The following NLGN1 variants were observed in gnomAD, a reference collection of about 807,000 sequenced individuals.
NLGN1 encodes the protein neuroligin-1.
NLGN1 carries 12 observed loss-of-function variants against 65.5 expected under a neutral mutation model. The observed-to-expected ratio is 0.18, with a 90% CI of 0.12 to 0.30. The LOEUF is 0.30. Ranked by LOEUF, NLGN1 falls within the 10% of genes least tolerant of loss-of-function variation. NLGN1 has a pLI of 1.00. For missense variants in NLGN1, 750 were observed against 1,007.1 expected, an observed-to-expected ratio of 0.74 and a Z score of 3.46; for synonymous variants, 350 against 359.5, an observed-to-expected ratio of 0.97 and a Z score of 0.30.
At chr3:173,434,573 A>C (rs1050553288) in intron 1 of NLGN1, among the ~76,000 whole-genome samples, 2 of 152,214 alleles carry the variant, frequency 1.3e-5, no homozygotes, top group African/African-American at 4.8e-5. Flanking sequence ...GTAGTTGGAG[A>C]CAATTGCACT....
intron 4 of NLGN1, among the ~76,000 whole-genome samples, chr3:174,244,367 G>A (rs991438570): frequency 1.3e-5 from 2 of 152,112 alleles, no homozygotes; most frequent in Non-Finnish European, 2.9e-5. Flanking sequence ...CTACTAAGAT[G>A]AAATTTTAAT....
intron 3 of NLGN1, among the ~76,000 whole-genome samples, chr3:173,734,147 T>C (rs1173471406): frequency 6.6e-6 from 1 of 152,046 alleles, no homozygotes; most frequent in African/African-American, 2.4e-5. Context: ...AATTACATTT[T>C]TTCATTTTAG....
At chr3:174,210,284 G>T (rs1736215344) in intron 4 of NLGN1, among the ~76,000 whole-genome samples, 1 of 152,176 alleles carries the variant, frequency 6.6e-6, no homozygotes, top group South Asian at 2.1e-4. Flanking sequence ...TGTTCTCAGT[G>T]TATTTGTGTC....
chr3:173,781,230 A>T (rs1354156795), intron 3 of NLGN1, among the ~76,000 whole-genome samples: 1 of 152,018 alleles, frequency 6.6e-6, no homozygotes, highest in Non-Finnish European at 1.5e-5. Flanking sequence ...CTGTACTCAT[A>T]CCCTAGAGAA....
chr3:174,090,410 T>C (rs1744288665), intron 4 of NLGN1, among the ~76,000 whole-genome samples: 1 of 152,030 alleles, frequency 6.6e-6, no homozygotes, highest in East Asian at 1.9e-4. Context: ...GAGGTGGAGT[T>C]TGCAGTGAGC....
intron 2 of NLGN1, among the ~76,000 whole-genome samples, chr3:173,523,907 T>C (rs1263561275): frequency 6.9e-6 from 1 of 145,252 alleles, no homozygotes; most frequent in African/African-American, 2.5e-5. Flanking sequence ...TTTTCTCATA[T>C]AATTTCTTTC....
chr3:173,420,580 C>T lies in NLGN1; in HGVS notation c.-389-14430C>T, dbSNP rs543329844. Among the ~76,000 whole-genome samples the T allele has an allele frequency of 7.9e-5, 12 of 152,252 alleles. No individual in the cohort carries two copies. The East Asian group carries it at 1.9e-3, about 25-fold the overall frequency. On this transcript the variant is annotated intron_variant, in intron 1 of 6. Coordinates refer to ENST00000457714, the Ensembl canonical transcript of NLGN1. ...TATAGCAGCATGATTTTATAATCCT[C>T]TGGGTATATACCCAGTAATGGGATG... is the stretch of plus-strand genomic sequence containing the variant.
chr3:173,500,384 G>T (rs1248160129), intron 2 of NLGN1, among the ~76,000 whole-genome samples: 6 of 152,144 alleles, frequency 3.9e-5, no homozygotes, highest in Non-Finnish European at 7.4e-5. Context: ...AACCAGCCTT[G>T]CCTCCAAGGG....
intron 2 of NLGN1, among the ~76,000 whole-genome samples, chr3:173,476,694 G>A (rs897660042): frequency 3.3e-5 from 5 of 152,146 alleles, no homozygotes; most frequent in Non-Finnish European, 5.9e-5. Flanking sequence ...GGCAAGGTAC[G>A]GTTGCATTTT....
At chr3:173,486,530 T>TG in intron 2 of NLGN1, among the ~76,000 whole-genome samples, 1 of 152,288 alleles carries the variant, frequency 6.6e-6, no homozygotes, top group East Asian at 1.9e-4. Context: ...GCTTGCTGGT[T>TG]GTCCTTCTAT....
intron 2 of NLGN1, among the ~76,000 whole-genome samples, chr3:173,546,043 T>C (rs1202780331): frequency 6.6e-6 from 1 of 152,158 alleles, no homozygotes; most frequent in Non-Finnish European, 1.5e-5. Context: ...TGTATACCTA[T>C]GTAACAAACC....
intron 3 of NLGN1, among the ~76,000 whole-genome samples, chr3:173,638,732 T>C (rs1319450545): frequency 6.6e-6 from 1 of 152,194 alleles, no homozygotes; most frequent in Admixed American, 6.5e-5. Context: ...TATTGAAATA[T>C]CAATTTTAAA....
intron 3 of NLGN1, among the ~76,000 whole-genome samples, chr3:173,673,023 A>T (rs1169299801): frequency 6.6e-6 from 1 of 152,202 alleles, no homozygotes; most frequent in Non-Finnish European, 1.5e-5. Context: ...TGATGGCATG[A>T]CAAGGAGACT....
intron 4 of NLGN1, among the ~76,000 whole-genome samples, chr3:173,936,923 A>C (rs1385950307): frequency 6.6e-6 from 1 of 152,106 alleles, no homozygotes; most frequent in Non-Finnish European, 1.5e-5. Context: ...AAATACAAGA[A>C]AATAAAACAG....
chr3:173,450,229 C>T (rs913532397), intron 2 of NLGN1, among the ~76,000 whole-genome samples: 2 of 152,096 alleles, frequency 1.3e-5, no homozygotes, highest in African/African-American at 4.8e-5. Context: ...TTTAGTGCTT[C>T]CTTCAGGAGC....
intron 4 of NLGN1, among the ~76,000 whole-genome samples, chr3:173,816,295 C>T (rs1719032041): frequency 1.3e-5 from 2 of 152,060 alleles, no homozygotes; most frequent in Admixed American, 1.3e-4. Flanking sequence ...TACATTCTCA[C>T]AACTCTATGA....
intron 4 of NLGN1, among the ~76,000 whole-genome samples, chr3:174,168,380 TTTC>T (rs932589196): frequency 9.2e-5 from 14 of 152,208 alleles, no homozygotes; most frequent in Non-Finnish European, 1.9e-4. Context: ...CAAGTAGGAT[TTTC>T]TTCTTCTTCT....
chr3:173,699,336 C>T (rs1766753243), intron 3 of NLGN1, among the ~76,000 whole-genome samples: 1 of 152,160 alleles, frequency 6.6e-6, no homozygotes. Flanking sequence ...TAGGGCAAAT[C>T]CAAAATCAAC....
intron 3 of NLGN1, among the ~76,000 whole-genome samples, chr3:173,685,157 C>T (rs1369734642): frequency 6.6e-6 from 1 of 152,116 alleles, no homozygotes; most frequent in Admixed American, 6.6e-5. Context: ...ACAATAATTA[C>T]AGGATGCCGA....
Sources: allele counts gnomAD v4.1 joint callset (sites outside exome capture counted in the v4.1 genomes callset), GRCh38; gene constraint gnomAD v4.1.1; transcripts MANE v1.5; gene names NCBI Gene and HGNC (gene_info 2026-07-23, HGNC 2026-07-21).